The following PAPSS2 variants were observed in gnomAD, a reference collection of about 807,000 sequenced individuals.
PAPSS2 encodes 3'-phosphoadenosine 5'-phosphosulfate synthase 2.
A neutral mutation model predicts 66.5 loss-of-function variants in PAPSS2; 61 were observed. That is an observed-to-expected ratio of 0.92 (90% CI 0.75 to 1.14). PAPSS2 has a LOEUF of 1.14. Among genes scored for constraint, PAPSS2 ranks in the 50% most tolerant of loss-of-function variants. The probability of loss-of-function intolerance (pLI) is 0.00; values close to 1 mark genes in which losing one functional copy is unlikely to be tolerated. For synonymous variants in PAPSS2, 289 were observed against 287.5 expected (o/e 1.01, Z -0.05); for missense variants, 708 against 789.6 (o/e 0.90, Z 1.24).
chr10:87,734,635 G>C (rs1328516950), intron 9 of PAPSS2, among the ~76,000 whole-genome samples: 1 of 137,454 alleles, frequency 7.3e-6, no homozygotes, highest in Non-Finnish European at 1.5e-5. Context: ...CTGTGACTAT[G>C]ACTGATAGCA....
chr10:87,681,101 T>C (rs926280269), intron 1 of PAPSS2, among the ~76,000 whole-genome samples: 1 of 152,180 alleles, frequency 6.6e-6, no homozygotes, highest in Non-Finnish European at 1.5e-5. Context: ...GCTGCTATTA[T>C]CCTACAATGC....
intron 1 of PAPSS2, among the ~76,000 whole-genome samples, chr10:87,701,386 TTCTTTCTTTCTCTTTCTTTC>T (rs1853312085): frequency 4.6e-5 from 3 of 65,280 alleles, no homozygotes; most frequent in South Asian, 1.1e-3. Flanking sequence ...CTTTCTTTCT[TTCTTTCTTTCTCTTTCTTTC>T]TCTCTCTCTC....
intron 1 of PAPSS2, among the ~76,000 whole-genome samples, chr10:87,701,350 T>C (rs1315349794): frequency 2.8e-5 from 3 of 108,242 alleles, no homozygotes; most frequent in Non-Finnish European, 5.3e-5. Flanking sequence ...CTTTCTTTCT[T>C]TCTTTCTTTC....
rs558298218 is a variant in PAPSS2, at chr10:87,678,824, G to C, written c.27+18816G>C. 1.5e-3 allele frequency among the ~76,000 whole-genome samples: 234 copies of C among 152,290 alleles called. 1 individual carries two copies. The highest frequency in any genetic ancestry group is 7.0e-3 in the South Asian group (34 of 4,826). On this transcript the variant is annotated intron_variant, in intron 1 of 12. Transcript: ENST00000456849. Reference sequence around the variant, plus strand: ...GTGGAAAAAAGGGAATTCATACACTGTTGGTGGGAATGTAAATTAGTAAAG... The same window carrying C: ...GTGGAAAAAAGGGAATTCATACACTCTTGGTGGGAATGTAAATTAGTAAAG...
At chr10:87,700,385 AGTGGTTC>A (rs1394031986) in intron 1 of PAPSS2, among the ~76,000 whole-genome samples, 1 of 152,190 alleles carries the variant, frequency 6.6e-6, no homozygotes, top group African/African-American at 2.4e-5. Flanking sequence ...GTCTGGGTGT[AGTGGTTC>A]ATGCCTGTAA....
At chr10:87,732,548 A>G (rs568581259) in intron 9 of PAPSS2, among the ~76,000 whole-genome samples, 97 of 152,178 alleles carry the variant, frequency 6.4e-4, no homozygotes, top group African/African-American at 2.1e-3. Context: ...TTTAGATAAT[A>G]TTACATTTTA....
At chr10:87,667,351 G>A (rs540343177) in intron 1 of PAPSS2, among the ~76,000 whole-genome samples, 1 of 152,234 alleles carries the variant, frequency 6.6e-6, no homozygotes, top group East Asian at 1.9e-4. Context: ...CTATCTAGGA[G>A]GCTGAGGTGG....
At chr10:87,663,654 C>G (rs1434658882) in intron 1 of PAPSS2, among the ~76,000 whole-genome samples, 1 of 152,120 alleles carries the variant, frequency 6.6e-6, no homozygotes, top group African/African-American at 2.4e-5. Context: ...CTCTTGACCC[C>G]CTCCGTACTT....
chr10:87,660,694 T>C (rs1852739115), intron 1 of PAPSS2, among the ~76,000 whole-genome samples: 1 of 151,126 alleles, frequency 6.6e-6, no homozygotes, highest in South Asian at 2.1e-4. Context: ...ATGGGAAATA[T>C]GAGGGCGTGT....
chr10:87,701,394 TTCTCTTTCTTTCTC>T (rs1853313124), intron 1 of PAPSS2, among the ~76,000 whole-genome samples: 10 of 84,730 alleles, frequency 1.2e-4, no homozygotes, highest in Admixed American at 6.2e-4. Flanking sequence ...CTTTCTTTCT[TTCTCTTTCTTTCTC>T]TCTCTCTCTC....
chr10:87,677,789 T>C (rs751777792), intron 1 of PAPSS2, among the ~76,000 whole-genome samples: 2 of 152,250 alleles, frequency 1.3e-5, no homozygotes, highest in African/African-American at 2.4e-5. Flanking sequence ...TTATATTACA[T>C]GCATGCGTGT....
chr10:87,736,269 T>C (rs1331832624), intron 9 of PAPSS2, among the ~76,000 whole-genome samples: 50 of 142,174 alleles, frequency 3.5e-4, no homozygotes, highest in East Asian at 1.8e-3. Context: ...CTTTCTTTTT[T>C]TTTTTTTTTT....
chr10:87,688,268 G>C (rs1853113299), intron 1 of PAPSS2, among the ~76,000 whole-genome samples: 1 of 151,734 alleles, frequency 6.6e-6, no homozygotes, highest in African/African-American at 2.4e-5. Flanking sequence ...ATTATTGTTA[G>C]AGTTTATTAT....
intron 1 of PAPSS2, among the ~76,000 whole-genome samples, chr10:87,700,190 A>G (rs1294261806): frequency 6.6e-6 from 1 of 152,222 alleles, no homozygotes; most frequent in Non-Finnish European, 1.5e-5. Flanking sequence ...TGCTATGAAC[A>G]TCCTTGGATA....
At chr10:87,728,974 T>A (rs1008430694) in intron 9 of PAPSS2, among the ~76,000 whole-genome samples, 1 of 152,064 alleles carries the variant, frequency 6.6e-6, no homozygotes, top group Non-Finnish European at 1.5e-5. Context: ...TTTTTAAAAA[T>A]TTTTATTTAT....
intron 1 of PAPSS2, among the ~76,000 whole-genome samples, chr10:87,694,406 CAT>C (rs1272890570): frequency 1.3e-5 from 2 of 152,208 alleles, no homozygotes; most frequent in Non-Finnish European, 2.9e-5. Flanking sequence ...CACAGGATCT[CAT>C]AGCTACAGGA....
chr10:87,688,553 G>A (rs897267318), intron 1 of PAPSS2, among the ~76,000 whole-genome samples: 32 of 151,742 alleles, frequency 2.1e-4, no homozygotes, highest in South Asian at 8.3e-4. Context: ...TCCGCCCCCC[G>A]GGTTCATGCC....
At position 87,660,300 on chromosome 10, in the gene PAPSS2, C is replaced by T. The variant is rs2302402; in HGVS notation, c.27+292C>T. On this transcript the variant is annotated intron_variant, in intron 1 of 12. Coordinates refer to ENST00000456849, the MANE Select transcript of PAPSS2 (RefSeq NM_001015880.2). The stretch of plus-strand genomic sequence containing the variant: ...TCTCAAGTGGGTCCGGATCTAGATC[C>T]AGGACCAGGGACAGGAAATCCCCTT... 140,313 of 573,302 alleles carry T rather than the reference C, an allele frequency of 0.24. 19,258 individuals carry two copies. The highest frequency in any genetic ancestry group is 0.39 in the African/African-American group (20,877 of 53,126). The allele number at this position is 573,302 out of a possible 1,614,324, so 35.5% of individuals were successfully genotyped here.
At chr10:87,706,805 G>T (rs189930891) in intron 1 of PAPSS2, among the ~76,000 whole-genome samples, 288 of 152,150 alleles carry the variant, frequency 1.9e-3, no homozygotes, top group African/African-American at 6.4e-3. Context: ...ACCTTCAGGG[G>T]ATTTGTTCAC....
Sources: allele counts gnomAD v4.1 joint callset (sites outside exome capture counted in the v4.1 genomes callset), GRCh38; gene constraint gnomAD v4.1.1; transcripts MANE v1.5; gene names NCBI Gene and HGNC (gene_info 2026-07-23, HGNC 2026-07-21).